The following CDH4 variants were observed in gnomAD, a reference collection of about 807,000 sequenced individuals.
CDH4 encodes cadherin 4.
A neutral mutation model predicts 86.0 loss-of-function variants in CDH4; 33 were observed. The observed-to-expected ratio is 0.38, with a 90% confidence interval of 0.29 to 0.51. The LOEUF (loss-of-function observed/expected upper bound fraction) is 0.51, where lower values mean the gene tolerates loss of function less well. CDH4 is among the 20% of genes least tolerant of loss of function. The pLI is 0.86. For synonymous variants in CDH4, 555 were observed against 549.4 expected, an observed-to-expected ratio of 1.01 and a Z score of -0.14; for missense variants, 1,114 against 1,307.4, an observed-to-expected ratio of 0.85 and a Z score of 2.28.
chr20:61,282,868 G>A, intron 2 of CDH4, among the ~76,000 whole-genome samples: 1 of 150,950 alleles, frequency 6.6e-6, no homozygotes, highest in East Asian at 1.9e-4. Context: ...ATGTGCTGTG[G>A]TGTGTGTGAT....
At chr20:61,935,776 C>T (rs1234547773) in intron 15 of CDH4, among the ~76,000 whole-genome samples, 1 of 152,268 alleles carries the variant, frequency 6.6e-6, no homozygotes, top group Non-Finnish European at 1.5e-5. Flanking sequence ...AATCCCACTA[C>T]TTGGGAGGCT....
intron 4 of CDH4, among the ~76,000 whole-genome samples, chr20:61,778,060 G>C (rs565115145): frequency 6.6e-6 from 1 of 152,246 alleles, no homozygotes; most frequent in Admixed American, 6.5e-5. Context: ...ACTCCTACAC[G>C]TTCATGTTTG....
intron 2 of CDH4, among the ~76,000 whole-genome samples, chr20:61,636,754 C>T (rs1011480501): frequency 6.6e-5 from 10 of 152,216 alleles, no homozygotes; most frequent in South Asian, 2.1e-4. Flanking sequence ...TGAGTCGCTC[C>T]GTCACTGTGA....
chr20:61,770,832 G>A (rs1260629897), intron 3 of CDH4, among the ~76,000 whole-genome samples: 3 of 147,684 alleles, frequency 2.0e-5, no homozygotes, highest in East Asian at 2.1e-4. Flanking sequence ...GCAGTGAGCC[G>A]AGATCACACC....
intron 7 of CDH4, among the ~76,000 whole-genome samples, chr20:61,890,416 G>A (rs1241404307): frequency 6.6e-6 from 1 of 151,010 alleles, no homozygotes; most frequent in African/African-American, 2.4e-5. Context: ...ATGGATGGAT[G>A]ATGGATGGAT....
At chr20:61,909,986 G>A (rs1381941526) in intron 8 of CDH4, among the ~76,000 whole-genome samples, 4 of 152,256 alleles carry the variant, frequency 2.6e-5, no homozygotes, top group South Asian at 2.1e-4. Context: ...CGCACCTGCC[G>A]GGCAGGTCTG....
intron 3 of CDH4, among the ~76,000 whole-genome samples, chr20:61,759,099 C>T (rs556734294): frequency 1.2e-4 from 19 of 152,242 alleles, no homozygotes; most frequent in African/African-American, 4.6e-4. Flanking sequence ...TGCGCACACA[C>T]GTCTATATAC....
Position 61,598,961 on chromosome 20 carries a change from G to A in CDH4, c.170-144602G>A, listed in dbSNP as rs151280548. Among the ~76,000 whole-genome samples, 320 of 152,342 alleles carry A rather than the reference G, an allele frequency of 2.1e-3. 2 individuals carry two copies. The highest frequency in any genetic ancestry group is 7.2e-3 in the African/African-American group (299 of 41,584). On this transcript the variant is annotated intron_variant, in intron 2 of 15. Transcript: ENST00000614565. ...CTTTTTTATGAGCATCTTGAGGTCCGTTGGGCTAACACGAGTCCCTCAGTG... is the reference window on the plus strand; with the variant it reads ...CTTTTTTATGAGCATCTTGAGGTCCATTGGGCTAACACGAGTCCCTCAGTG...
At chr20:61,896,287 AG>A in intron 8 of CDH4, among the ~76,000 whole-genome samples, 7 of 152,098 alleles carry the variant, frequency 4.6e-5, no homozygotes, top group Non-Finnish European at 8.8e-5. Flanking sequence ...TGGGGTCAGG[AG>A]GGAGACGCTC....
At chr20:61,735,154 G>A (rs571255200) in intron 2 of CDH4, among the ~76,000 whole-genome samples, 14 of 152,282 alleles carry the variant, frequency 9.2e-5, no homozygotes, top group African/African-American at 2.6e-4. Flanking sequence ...GCCGGCACTC[G>A]GGACCCACTC....
intron 3 of CDH4, among the ~76,000 whole-genome samples, chr20:61,764,389 T>A (rs1437143232): frequency 6.6e-6 from 1 of 152,202 alleles, no homozygotes; most frequent in Admixed American, 6.5e-5. Context: ...TCACAATTTA[T>A]GTATTCTTGA....
At chr20:61,335,525 C>A (rs2084612258) in intron 2 of CDH4, among the ~76,000 whole-genome samples, 1 of 152,196 alleles carries the variant, frequency 6.6e-6, no homozygotes, top group Non-Finnish European at 1.5e-5. Context: ...CAGTGGGACC[C>A]TAATTGCACC....
At chr20:61,641,538 T>A (rs1034532271) in intron 2 of CDH4, among the ~76,000 whole-genome samples, 2 of 152,246 alleles carry the variant, frequency 1.3e-5, no homozygotes, top group Admixed American at 1.3e-4. Flanking sequence ...CACCCTTGGT[T>A]TAGCAGATGT....
chr20:61,802,065 GC>G (rs1301232502), intron 4 of CDH4, among the ~76,000 whole-genome samples: 1 of 152,210 alleles, frequency 6.6e-6, no homozygotes, highest in African/African-American at 2.4e-5. Context: ...TCTGGTCTCT[GC>G]CCCTTTGTCC....
At chr20:61,888,466 T>C (rs1984646965) in intron 7 of CDH4, among the ~76,000 whole-genome samples, 1 of 152,158 alleles carries the variant, frequency 6.6e-6, no homozygotes, top group Non-Finnish European at 1.5e-5. Flanking sequence ...GTCTCTGCCT[T>C]GATGAACAGG....
intron 4 of CDH4, among the ~76,000 whole-genome samples, chr20:61,775,930 A>G (rs1256496596): frequency 6.6e-6 from 1 of 152,182 alleles, no homozygotes; most frequent in Non-Finnish European, 1.5e-5. Context: ...GCGAGGTCAC[A>G]TGGGCACAGC....
At chr20:61,734,381 A>G (rs1389342311) in intron 2 of CDH4, among the ~76,000 whole-genome samples, 1 of 152,104 alleles carries the variant, frequency 6.6e-6, no homozygotes, top group Non-Finnish European at 1.5e-5. Flanking sequence ...CGGAACGGGG[A>G]GTTGTTGTAT....
intron 2 of CDH4, among the ~76,000 whole-genome samples, chr20:61,305,121 G>A (rs979052630): frequency 1.3e-5 from 2 of 152,036 alleles, no homozygotes; most frequent in Admixed American, 6.6e-5. Flanking sequence ...CTCTGGGCCT[G>A]TATTGTGTGT....
intron 3 of CDH4, among the ~76,000 whole-genome samples, chr20:61,759,555 T>C (rs1040882484): frequency 1.3e-5 from 2 of 152,234 alleles, no homozygotes; most frequent in Non-Finnish European, 1.5e-5. Context: ...ACCGACCATC[T>C]TTCTCACTAA....
Sources: gnomAD v4.1 joint callset for allele counts (sites outside exome capture counted in the v4.1 genomes callset) on GRCh38, gnomAD v4.1.1 for gene constraint, MANE v1.5 for transcripts, NCBI Gene and HGNC (gene_info 2026-07-23, HGNC 2026-07-21) for gene names.